The following ITPR1 variants were observed in gnomAD, a reference collection of about 807,000 sequenced individuals.
ITPR1 encodes inositol 1,4,5-trisphosphate-gated calcium channel ITPR1.
In ITPR1, 96 loss-of-function variants were observed where a neutral mutation model predicts 318.4. That is an observed-to-expected ratio of 0.30 (90% CI 0.26 to 0.36). The LOEUF (loss-of-function observed/expected upper bound fraction) is 0.36, where lower values mean the gene tolerates loss of function less well. Among genes scored for constraint, ITPR1 ranks in the 10% least tolerant of loss-of-function variants. The pLI is 1.00. For synonymous variants in ITPR1, 1,312 were observed against 1,289.9 expected (o/e 1.02, Z -0.37); for missense variants, 2,440 against 3,460.2 (o/e 0.71, Z 7.40).
intron 5 of ITPR1, among the ~76,000 whole-genome samples, chr3:4,630,592 ATT>A (rs2092985217): frequency 6.9e-6 from 1 of 145,166 alleles, no homozygotes; most frequent in East Asian, 2.0e-4. Flanking sequence ...TATTATTATT[ATT>A]ATTATTTTTA....
At chr3:4,818,284 C>G in intron 60 of ITPR1, 42 bp downstream of exon 60, 1 of 1,503,044 alleles carries the variant, frequency 6.7e-7, no homozygotes, top group Non-Finnish European at 9.0e-7. Context: ...GACTTGGGGC[C>G]TACTCAGCTC....
intron 18 of ITPR1, among the ~76,000 whole-genome samples, chr3:4,668,289 G>A (rs1014785114): frequency 8.8e-5 from 13 of 147,080 alleles, no homozygotes; most frequent in East Asian, 7.9e-4. Context: ...CCCAGCCTCT[G>A]GTAACCATCC....
At chr3:4,697,078 G>C in intron 33 of ITPR1, 69 bp from the exon 34 acceptor site, 1 of 1,468,706 alleles carries the variant, frequency 6.8e-7, no homozygotes, top group Non-Finnish European at 9.4e-7. Flanking sequence ...TTGCTGTGAA[G>C]TTGAGGCAGC....
chr3:4,710,238 A>G lies in ITPR1; in HGVS notation c.4843-87A>G. ...CTCTAACCTAGCCTACCCGTGCATC[A>G]GTGTTTTAGGGCAGAAATCAATGTC... On this transcript the variant is annotated intron_variant, in intron 37 of 61. Transcript: ENST00000649015. The surrounding 1 kb of genome is among the most constrained non-coding windows in gnomAD (Gnocchi z 4.2). The G allele has an allele frequency of 7.8e-7, 1 of 1,276,090 alleles. No individual in the cohort carries two copies. The highest frequency in any genetic ancestry group is 1.0e-6 in the Non-Finnish European group (1 of 965,336). The allele number at this position is 1,276,090 out of a possible 1,614,324, so 79.0% of individuals were successfully genotyped here. A position where few individuals can be genotyped will look rare whatever the true frequency, so the allele number is the denominator to read the frequency against.
intron 35 of ITPR1, among the ~76,000 whole-genome samples, chr3:4,702,443 T>G (rs1332297544): frequency 6.6e-6 from 1 of 152,168 alleles, no homozygotes; most frequent in Non-Finnish European, 1.5e-5. Flanking sequence ...ATCCACTTAT[T>G]TTATACATTG....
At chr3:4,568,254 A>T (rs1014804500) in intron 4 of ITPR1, among the ~76,000 whole-genome samples, 2 of 152,228 alleles carry the variant, frequency 1.3e-5, no homozygotes, top group South Asian at 4.1e-4. Flanking sequence ...GAGACAAAGT[A>T]AAAACTAGGC....
chr3:4,783,738 C>A, intron 50 of ITPR1, 78 bp from the exon 51 acceptor site: 1 of 1,139,110 alleles, frequency 8.8e-7, no homozygotes, highest in Non-Finnish European at 1.3e-6. Context: ...TTTTTAAATA[C>A]CCAACATGAG....
At chr3:4,793,959 C>CA (rs1403199874) in intron 52 of ITPR1, among the ~76,000 whole-genome samples, 1 of 152,204 alleles carries the variant, frequency 6.6e-6, no homozygotes. Context: ...GCTGCTGCTA[C>CA]AAGCATTATT....
chr3:4,537,359 T>C (rs2083969581), intron 4 of ITPR1, among the ~76,000 whole-genome samples: 2 of 152,192 alleles, frequency 1.3e-5, no homozygotes, highest in Admixed American at 1.3e-4. Context: ...AGCTCTGTTC[T>C]TCTAGAAATT....
At chr3:4,532,419 C>T (rs1336013216) in intron 4 of ITPR1, among the ~76,000 whole-genome samples, 2 of 152,132 alleles carry the variant, frequency 1.3e-5, no homozygotes, top group African/African-American at 4.8e-5. Flanking sequence ...GGCTGGAGAG[C>T]AGTGATGCAA....
intron 21 of ITPR1, among the ~76,000 whole-genome samples, chr3:4,673,733 C>G (rs1182716093): frequency 6.6e-6 from 1 of 152,100 alleles, no homozygotes; most frequent in South Asian, 2.1e-4. Context: ...CAGACGCCCA[C>G]CACCACGCCC....
intron 4 of ITPR1, among the ~76,000 whole-genome samples, chr3:4,539,985 A>G (rs2084275363): frequency 1.4e-5 from 1 of 70,182 alleles, no homozygotes; most frequent in African/African-American, 1.0e-4. Flanking sequence ...ACTAAGATGC[A>G]AAAAAAAAAA....
intron 4 of ITPR1, among the ~76,000 whole-genome samples, chr3:4,547,671 G>A (rs2085156023): frequency 6.6e-6 from 1 of 152,212 alleles, no homozygotes; most frequent in Admixed American, 6.5e-5. Context: ...AAGGTGATCT[G>A]TTAGGAGTCT....
At chr3:4,825,723 A>C in intron 60 of ITPR1, 1 of 456,706 alleles carries the variant, frequency 2.2e-6, no homozygotes, top group Non-Finnish European at 4.4e-6. Context: ...TCTGTTTAAA[A>C]GGGGAACTGG....
chr3:4,539,554 T>C (rs1321425742), intron 4 of ITPR1, among the ~76,000 whole-genome samples: 8 of 152,204 alleles, frequency 5.3e-5, no homozygotes, highest in East Asian at 1.9e-4. Context: ...TTTGTGTATA[T>C]GTTAAAACTC....
chr3:4,677,854 G>C (rs772058450), intron 24 of ITPR1, among the ~76,000 whole-genome samples: 2 of 151,960 alleles, frequency 1.3e-5, no homozygotes, highest in Non-Finnish European at 2.9e-5. Flanking sequence ...GCAAGCGGGG[G>C]TGGAATCTAG....
intron 44 of ITPR1, among the ~76,000 whole-genome samples, chr3:4,754,048 T>TGAG: frequency 1.1e-5 from 1 of 92,592 alleles, no homozygotes; most frequent in Non-Finnish European, 2.4e-5. Flanking sequence ...ACACAGAAAA[T>TGAG]GGGGGGGGGG....
intron 37 of ITPR1, among the ~76,000 whole-genome samples, chr3:4,708,251 T>C (rs1342591278): frequency 6.6e-6 from 1 of 152,202 alleles, no homozygotes; most frequent in Non-Finnish European, 1.5e-5. Context: ...TATTCCTTTT[T>C]TTTCTTAGCG....
At chr3:4,506,462 A>C (rs1350647105) in intron 2 of ITPR1, among the ~76,000 whole-genome samples, 1 of 152,038 alleles carries the variant, frequency 6.6e-6, no homozygotes, top group Non-Finnish European at 1.5e-5. Flanking sequence ...GTTTTTTCTG[A>C]CCAGCCAAAA....
Sources: allele counts gnomAD v4.1 joint callset (sites outside exome capture counted in the v4.1 genomes callset), GRCh38; gene constraint gnomAD v4.1.1; non-coding constraint Gnocchi (gnomAD v3.1); transcripts MANE v1.5; gene names NCBI Gene and HGNC (gene_info 2026-07-23, HGNC 2026-07-21).